The following MSI2 variants were observed in gnomAD, a reference collection of about 807,000 sequenced individuals.
The protein encoded by MSI2 is RNA-binding protein Musashi homolog 2.
Under a neutral mutation model 45.6 loss-of-function variants are expected in MSI2, and 17 were observed. The observed-to-expected ratio is 0.37, with a 90% CI of 0.26 to 0.56. The LOEUF (loss-of-function observed/expected upper bound fraction) is 0.56, where lower values mean the gene tolerates loss of function less well. Among genes scored for constraint, MSI2 ranks in the 20% least tolerant of loss-of-function variants. The probability of loss-of-function intolerance (pLI) is 0.77; values close to 1 mark genes in which losing one functional copy is unlikely to be tolerated. For missense variants in MSI2, 293 were observed against 444.2 expected, an observed-to-expected ratio of 0.66 and a Z score of 3.06; for synonymous variants, 156 against 158.2, an observed-to-expected ratio of 0.99 and a Z score of 0.11.
At chr17:57,262,769 G>C (rs1303234144) in intron 5 of MSI2, among the ~76,000 whole-genome samples, 1 of 152,204 alleles carries the variant, frequency 6.6e-6, no homozygotes, top group Non-Finnish European at 1.5e-5. Flanking sequence ...GAGAAGTCCT[G>C]AAAATGTTGT....
chr17:57,312,516 T>C (rs1912484132), intron 5 of MSI2, among the ~76,000 whole-genome samples: 1 of 152,152 alleles, frequency 6.6e-6, no homozygotes, highest in South Asian at 2.1e-4. Context: ...GTTTCAAGGC[T>C]GACCAGCCTT....
In MSI2 at chr17:57,380,426, AC is replaced by A. The variant is rs370140410; in HGVS notation, c.313-20950del. Among the ~76,000 whole-genome samples the A allele has an allele frequency of 1.2e-3, 177 of 152,308 alleles. 1 individual carries two copies. The highest frequency in any genetic ancestry group is 4.1e-3 in the African/African-American group (171 of 41,574). On this transcript the variant is annotated intron_variant, in intron 5 of 13. Transcript: ENST00000284073. ...AAGCGGCGGCTTCTGAGGCAGAGCCACCCAGACTTTCATTTTGGTTAGTAGC... is the reference window on the plus strand; with the variant it reads ...AAGCGGCGGCTTCTGAGGCAGAGCCACCAGACTTTCATTTTGGTTAGTAGC...
chr17:57,387,060 C>T (rs142750422), intron 5 of MSI2, among the ~76,000 whole-genome samples: 79 of 152,320 alleles, frequency 5.2e-4, no homozygotes, highest in African/African-American at 1.8e-3. Flanking sequence ...CAAAATGAGC[C>T]CTCCATGTTC....
intron 6 of MSI2, among the ~76,000 whole-genome samples, chr17:57,470,317 A>G (rs2085410321): frequency 6.6e-6 from 1 of 151,992 alleles, no homozygotes; most frequent in Non-Finnish European, 1.5e-5. Context: ...TTGCTCTGCC[A>G]CCCAGGCTGG....
chr17:57,519,516 A>C (rs1465511963), intron 6 of MSI2, among the ~76,000 whole-genome samples: 1 of 152,102 alleles, frequency 6.6e-6, no homozygotes, highest in Non-Finnish European at 1.5e-5. Flanking sequence ...CTCCATGACT[A>C]TGGAGGAGCC....
In MSI2 at chr17:57,407,169, TG is replaced by T. The variant is rs1184898929; in HGVS notation, c.405+5699del. 3.3e-5 allele frequency: 5 copies of T among 151,982 alleles called. No homozygotes were observed. The highest frequency in any genetic ancestry group is 5.9e-5 in the Non-Finnish European group (4 of 68,008). 9.4% of individuals were successfully genotyped at this position (151,982 alleles called of 1,614,324 possible). A position where few individuals can be genotyped will look rare whatever the true frequency, so the allele number is the denominator to read the frequency against. On this transcript the variant is annotated intron_variant, in intron 6 of 13. Transcript: ENST00000284073. The surrounding 1 kb of genome is among the most constrained non-coding windows in gnomAD (Gnocchi z 4.1). ...AGAAAAAAAGAAAACAAGAGTGAAT[TG>T]TTTTTTTTAATGTAATGAGACCTTC... is the stretch of plus-strand genomic sequence containing the variant.
chr17:57,427,755 A>G (rs1181644962), intron 6 of MSI2, among the ~76,000 whole-genome samples: 2 of 152,204 alleles, frequency 1.3e-5, no homozygotes, highest in Non-Finnish European at 2.9e-5. Context: ...TTGATTTGTT[A>G]GGAATCTCTT....
intron 6 of MSI2, among the ~76,000 whole-genome samples, chr17:57,464,896 G>A (rs776609594): frequency 6.6e-6 from 1 of 152,300 alleles, no homozygotes; most frequent in Non-Finnish European, 1.5e-5. Context: ...CCCCATGAGC[G>A]GTGCCCACCT....
chr17:57,256,443 GGGA>G (rs1290288843), upstream of MSI2: 37 of 206,306 alleles, frequency 1.8e-4, no homozygotes, highest in Middle Eastern at 1.5e-3. Flanking sequence ...GGGGAGGAGG[GGGA>G]GGAGGAGGAG....
At chr17:57,632,515 C>A (rs957482129) in intron 10 of MSI2, 3 of 1,066,848 alleles carry the variant, frequency 2.8e-6, no homozygotes, top group African/African-American at 3.3e-5. Flanking sequence ...GCCCCGCCTT[C>A]CCCAGCTCGC....
intron 6 of MSI2, among the ~76,000 whole-genome samples, chr17:57,519,777 G>A (rs2086546276): frequency 6.6e-6 from 1 of 152,148 alleles, no homozygotes; most frequent in Non-Finnish European, 1.5e-5. Flanking sequence ...ACACAAGTAA[G>A]GGAGAACAGA....
At chr17:57,366,535 C>A (rs1917207914) in intron 5 of MSI2, among the ~76,000 whole-genome samples, 1 of 152,224 alleles carries the variant, frequency 6.6e-6, no homozygotes, top group South Asian at 2.1e-4. Context: ...GTGGAGAGGG[C>A]CAAGTTTACA....
intron 4 of MSI2, 35 bp from the exon 5 acceptor site, chr17:57,262,116 T>C (rs758633174): frequency 3.7e-6 from 6 of 1,612,266 alleles, no homozygotes; most frequent in Non-Finnish European, 4.2e-6. Flanking sequence ...CTTAAAGTAC[T>C]TTATTGACTC....
chr17:57,468,422 G>A (rs1484368308), intron 6 of MSI2, among the ~76,000 whole-genome samples: 2 of 151,148 alleles, frequency 1.3e-5, no homozygotes, highest in Non-Finnish European at 1.5e-5. Context: ...TCAGGAGGCT[G>A]AGGCCGGAGA....
chr17:57,405,303 A>T (rs1186760994), intron 6 of MSI2, among the ~76,000 whole-genome samples: 1 of 152,238 alleles, frequency 6.6e-6, no homozygotes, highest in Non-Finnish European at 1.5e-5. Flanking sequence ...GAAAGCAGCC[A>T]TCACCAGCAG....
intron 6 of MSI2, among the ~76,000 whole-genome samples, chr17:57,496,722 G>T (rs1016286868): frequency 6.6e-6 from 1 of 152,250 alleles, no homozygotes; most frequent in Non-Finnish European, 1.5e-5. Context: ...AGTCAAGTCT[G>T]AGGGTGAAGG....
At chr17:57,484,357 C>A (rs1211954124) in intron 6 of MSI2, among the ~76,000 whole-genome samples, 1 of 152,214 alleles carries the variant, frequency 6.6e-6, no homozygotes, top group Non-Finnish European at 1.5e-5. Context: ...GCTTGGAAGG[C>A]CAGTGATTTC....
intron 5 of MSI2, among the ~76,000 whole-genome samples, chr17:57,313,226 G>A (rs1912555578): frequency 6.6e-6 from 1 of 152,148 alleles, no homozygotes; most frequent in African/African-American, 2.4e-5. Flanking sequence ...GTGGGTTTGT[G>A]CAAATGTCTG....
At chr17:57,282,853 G>T (rs543209406) in intron 5 of MSI2, among the ~76,000 whole-genome samples, 164 of 10,494 alleles carry the variant, frequency 0.016, 5 homozygotes, top group African/African-American at 0.036. Flanking sequence ...TTTTTTCAGG[G>T]AACTCTGTCT....
Sources: allele counts gnomAD v4.1 joint callset (sites outside exome capture counted in the v4.1 genomes callset), GRCh38; gene constraint gnomAD v4.1.1; non-coding constraint Gnocchi (gnomAD v3.1); transcripts MANE v1.5; gene names NCBI Gene and HGNC (gene_info 2026-07-23, HGNC 2026-07-21).